MAP4K4: variants seen among roughly 807,000 people sequenced by gnomAD.
The protein encoded by MAP4K4 is mitogen-activated protein kinase kinase kinase kinase 4.
Under a neutral mutation model 189.6 loss-of-function variants are expected in MAP4K4, and 38 were observed. The ratio of observed to expected loss-of-function variants is 0.20; its 90% CI spans 0.15 to 0.26. MAP4K4 has a LOEUF of 0.26. MAP4K4 is among the 10% of genes least tolerant of loss of function. The pLI is 1.00. For missense variants in MAP4K4, 1,054 were observed against 1,726.9 expected (o/e 0.61, Z 6.91); for synonymous variants, 610 against 624.3 (o/e 0.98, Z 0.34).
intron 8 of MAP4K4, among the ~76,000 whole-genome samples, chr2:101,834,785 C>T (rs1281174330): frequency 6.6e-6 from 1 of 152,166 alleles, no homozygotes; most frequent in Non-Finnish European, 1.5e-5. Context: ...TTGAGTAATT[C>T]AGTGAAACTA....
intron 2 of MAP4K4, among the ~76,000 whole-genome samples, chr2:101,786,884 A>G (rs2091466313): frequency 6.6e-6 from 1 of 152,196 alleles, no homozygotes; most frequent in Non-Finnish European, 1.5e-5. Context: ...TGTCTTATAA[A>G]CACATTAATG....
chr2:101,878,494 TG>T (rs1370138866), intron 27 of MAP4K4, among the ~76,000 whole-genome samples: 2 of 152,358 alleles, frequency 1.3e-5, no homozygotes, highest in Non-Finnish European at 2.9e-5. Context: ...CCATTTTATA[TG>T]GCTAGAGGAT....
chr2:101,755,675 A>C (rs1031546913), intron 2 of MAP4K4, among the ~76,000 whole-genome samples: 8 of 151,844 alleles, frequency 5.3e-5, no homozygotes, highest in African/African-American at 1.9e-4. Flanking sequence ...TCTGTTCCTC[A>C]TCTGCCTCTT....
intron 2 of MAP4K4, among the ~76,000 whole-genome samples, chr2:101,745,327 C>CA (rs2064777962): frequency 2.3e-5 from 2 of 85,484 alleles, no homozygotes; most frequent in Admixed American, 1.1e-4. Context: ...GTGAAAATAT[C>CA]ACCCCCCCCC....
intron 2 of MAP4K4, among the ~76,000 whole-genome samples, chr2:101,708,765 A>G (rs749519186): frequency 4.6e-5 from 7 of 152,360 alleles, no homozygotes; most frequent in East Asian, 1.9e-4. Context: ...AGTGATTTAC[A>G]GTTAATCCCT....
chr2:101,747,270 T>G (rs1042749324), intron 2 of MAP4K4, among the ~76,000 whole-genome samples: 1 of 152,000 alleles, frequency 6.6e-6, no homozygotes, highest in Admixed American at 6.6e-5. Context: ...AGGCACCTGA[T>G]ACCAGGCCCG....
intron 2 of MAP4K4, among the ~76,000 whole-genome samples, chr2:101,718,033 G>A (rs2049392734): frequency 6.6e-6 from 1 of 151,888 alleles, no homozygotes; most frequent in South Asian, 2.1e-4. Flanking sequence ...AAGGTGGGCA[G>A]ATCACCTGAG....
At chr2:101,725,852 G>A (rs1331755988) in intron 2 of MAP4K4, among the ~76,000 whole-genome samples, 10 of 152,318 alleles carry the variant, frequency 6.6e-5, no homozygotes, top group African/African-American at 2.4e-4. Context: ...TTCAGGGCAG[G>A]CTCTGTAGTT....
At chr2:101,891,783 A>C (rs945050914) in exon 33 of MAP4K4, 1 of 152,268 alleles carries the variant, frequency 6.6e-6, no homozygotes, top group African/African-American at 2.4e-5. Flanking sequence ...ACAAAGAAGA[A>C]GATGCAGGTT....
exon 24 of MAP4K4, chr2:101,871,497 A>G (rs2098022723): frequency 6.5e-7 from 1 of 1,534,320 alleles, no homozygotes; most frequent in Non-Finnish European, 8.7e-7. Flanking sequence ...TCTACAGAGT[A>G]CAGTTGACCA....
intron 12 of MAP4K4, among the ~76,000 whole-genome samples, chr2:101,855,568 A>G (rs943377239): frequency 6.6e-6 from 1 of 151,774 alleles, no homozygotes; most frequent in African/African-American, 2.4e-5. Flanking sequence ...TTCCTTTTTT[A>G]AATTCTTTGT....
chr2:101,817,281 G>A (rs373450745), intron 3 of MAP4K4, among the ~76,000 whole-genome samples: 34 of 152,194 alleles, frequency 2.2e-4, no homozygotes, highest in African/African-American at 5.5e-4. Flanking sequence ...AGATCCTGGA[G>A]GAAATAGTGA....
intron 2 of MAP4K4, among the ~76,000 whole-genome samples, chr2:101,766,338 T>G (rs540918019): frequency 3.3e-4 from 51 of 152,292 alleles, no homozygotes; most frequent in African/African-American, 1.2e-3. Flanking sequence ...TGTCACTGCT[T>G]TAGAAGTTAT....
chr2:101,764,426 A>G (rs2077723474), intron 2 of MAP4K4, among the ~76,000 whole-genome samples: 1 of 152,206 alleles, frequency 6.6e-6, no homozygotes, highest in South Asian at 2.1e-4. Flanking sequence ...TCCCATTGGT[A>G]AAATTAAGTT....
At chr2:101,709,944 A>AT (rs2044475665) in intron 2 of MAP4K4, among the ~76,000 whole-genome samples, 1 of 152,120 alleles carries the variant, frequency 6.6e-6, no homozygotes, top group African/African-American at 2.4e-5. Context: ...GTAATAGTTT[A>AT]TTTTTTGAAA....
intron 1 of MAP4K4, 114 bp from the exon 2 acceptor site, chr2:101,698,359 G>A: frequency 9.6e-7 from 1 of 1,040,510 alleles, no homozygotes; most frequent in Non-Finnish European, 1.5e-6. Flanking sequence ...GGGGGACCGC[G>A]CGGGGCGAAG....
intron 22 of MAP4K4, 96 bp downstream of exon 22, chr2:101,869,893 A>C (rs1207449095): frequency 1.4e-6 from 2 of 1,422,144 alleles, no homozygotes; most frequent in African/African-American, 2.9e-5. Flanking sequence ...CCGTGACCCC[A>C]TGAGCACTTA....
chr2:101,843,888 A>G (rs1224422436), intron 11 of MAP4K4, among the ~76,000 whole-genome samples: 3 of 152,274 alleles, frequency 2.0e-5, no homozygotes, highest in Non-Finnish European at 4.4e-5. Context: ...CATCTAGGAC[A>G]GCATTTTAAG....
intron 24 of MAP4K4, 110 bp downstream of exon 24, chr2:101,871,795 CT>C (rs1260261664): frequency 2.1e-5 from 20 of 960,562 alleles, no homozygotes; most frequent in Non-Finnish European, 2.7e-5. Context: ...CCTTCCCACC[CT>C]GCTTTCTCTG....
Sources: allele counts gnomAD v4.1 joint callset (sites outside exome capture counted in the v4.1 genomes callset), GRCh38; gene constraint gnomAD v4.1.1; transcripts MANE v1.5; gene names NCBI Gene and HGNC (gene_info 2026-07-23, HGNC 2026-07-21).